The following PSEN1 variants were observed in gnomAD, a reference collection of about 807,000 sequenced individuals.
PSEN1 encodes the protein presenilin 1, also known as presenilin-1.
A neutral mutation model predicts 53.5 loss-of-function variants in PSEN1; 15 were observed. The observed-to-expected ratio is 0.28, with a 90% confidence interval of 0.19 to 0.43. The LOEUF (loss-of-function observed/expected upper bound fraction) is 0.43, where lower values mean the gene tolerates loss of function less well. Ranked by LOEUF, PSEN1 falls within the 20% of genes least tolerant of loss-of-function variation. The pLI is 1.00. For synonymous variants in PSEN1, 208 were observed against 209.8 expected, an observed-to-expected ratio of 0.99 and a Z score of 0.08; for missense variants, 387 against 571.2, an observed-to-expected ratio of 0.68 and a Z score of 3.29.
At chr14:73,188,658 A>G (rs776021459) in intron 6 of PSEN1, among the ~76,000 whole-genome samples, 2 of 152,080 alleles carry the variant, frequency 1.3e-5, no homozygotes, top group Non-Finnish European at 2.9e-5. Context: ...AAATAACTAA[A>G]TCTCTAACAT....
chr14:73,173,464 C>T (rs551390846), intron 4 of PSEN1, 102 bp from the exon 5 acceptor site: 36 of 1,192,100 alleles, frequency 3.0e-5, no homozygotes, highest in South Asian at 2.2e-4. Context: ...TTATAAGATA[C>T]GAATTGAATT....
chr14:73,163,947 C>T (rs1405716276), intron 3 of PSEN1, among the ~76,000 whole-genome samples: 4 of 151,842 alleles, frequency 2.6e-5, no homozygotes, highest in Admixed American at 6.6e-5. Flanking sequence ...AAAAAATCAT[C>T]CTGGCTGTAG....
chr14:73,219,424 A>T lies in PSEN1; in HGVS notation c.*135A>T, dbSNP rs1900060472. 1 of 1,008,288 alleles carries T rather than the reference A, an allele frequency of 9.9e-7. No individual in the cohort carries two copies. The highest frequency in any genetic ancestry group is 1.5e-6 in the Non-Finnish European group (1 of 647,036). 62.5% of individuals were successfully genotyped at this position (1,008,288 alleles called of 1,614,324 possible). On this transcript the variant is annotated 3_prime_UTR_variant, in exon 12 of 12. Transcript: ENST00000324501. ...GCTGGACTTTTGCAGCTTCCTTCCA[A>T]GTCTTCCTGACCACCTTGCACTATT...
At chr14:73,203,890 A>G (rs933828332) in intron 8 of PSEN1, among the ~76,000 whole-genome samples, 2 of 152,254 alleles carry the variant, frequency 1.3e-5, no homozygotes, top group Non-Finnish European at 2.9e-5. Context: ...CCAGCCAGGC[A>G]TGACTATAAT....
intron 3 of PSEN1, among the ~76,000 whole-genome samples, chr14:73,149,487 C>T (rs927201779): frequency 2.0e-5 from 3 of 152,118 alleles, no homozygotes; most frequent in Non-Finnish European, 4.4e-5. Context: ...CACTGAATGG[C>T]GTGGAACTTC....
chr14:73,211,325 A>G (rs936922478), intron 9 of PSEN1, among the ~76,000 whole-genome samples: 6 of 152,150 alleles, frequency 3.9e-5, no homozygotes, highest in Admixed American at 3.3e-4. Context: ...TCATGTCTAG[A>G]TAAGGCAACA....
At chr14:73,182,888 C>T (rs1898265541) in intron 5 of PSEN1, among the ~76,000 whole-genome samples, 1 of 151,418 alleles carries the variant, frequency 6.6e-6, no homozygotes, top group African/African-American at 2.5e-5. Context: ...AGAACATCTC[C>T]TTCTTCCTTT....
In PSEN1 at chr14:73,151,097, G is replaced by A. The variant is rs376560207; in HGVS notation, c.87+2991G>A. ...AAAAAACAAAAAAAAACTTTATGTG[G>A]TTTATGTCTGAAAGTTGAAGAGAAT... is the stretch of plus-strand genomic sequence containing the variant. On this transcript the variant is annotated intron_variant, in intron 3 of 11. Transcript: ENST00000324501. Among the ~76,000 whole-genome samples the A allele has an allele frequency of 2.6e-5, 4 of 152,226 alleles. No homozygotes were observed. The East Asian group carries it at 5.8e-4, about 22-fold the overall frequency.
intron 3 of PSEN1, among the ~76,000 whole-genome samples, chr14:73,151,348 C>G (rs1236106171): frequency 6.6e-6 from 1 of 152,098 alleles, no homozygotes; most frequent in African/African-American, 2.4e-5. Context: ...GTGAGTTTCT[C>G]AAAGATAGTT....
chr14:73,212,289 T>C (rs1899736037), intron 10 of PSEN1, among the ~76,000 whole-genome samples: 1 of 151,674 alleles, frequency 6.6e-6, no homozygotes, highest in Non-Finnish European at 1.5e-5. Context: ...TTTTGTATTT[T>C]TAGTAGAGAT....
rs1900135716 is a variant in PSEN1 at position 73,222,446 on chromosome 14, A to G, written c.*3157A>G. 1 of 152,212 alleles carries G rather than the reference A, an allele frequency of 6.6e-6. No individual in the cohort carries two copies. The highest frequency in any genetic ancestry group is 1.5e-5 in the Non-Finnish European group (1 of 68,040). 9.4% of individuals were successfully genotyped at this position (152,212 alleles called of 1,614,324 possible). ...ATATAACTTGTAGAGTGTGAAATAT[A>G]AGTTTAACTACCAAATAAGGTCTCC... On this transcript the variant is annotated 3_prime_UTR_variant, in exon 12 of 12. Transcript: ENST00000324501.
chr14:73,184,277 C>T (rs1464950156), intron 5 of PSEN1, among the ~76,000 whole-genome samples: 6 of 79,556 alleles, frequency 7.5e-5, no homozygotes, highest in East Asian at 7.7e-4. Context: ...CCCTCCCGGA[C>T]GGGGCGGCTG....
intron 5 of PSEN1, among the ~76,000 whole-genome samples, chr14:73,185,931 G>A (rs770906089): frequency 2.4e-4 from 37 of 152,150 alleles, no homozygotes; most frequent in Non-Finnish European, 2.8e-4. Flanking sequence ...ACCAAGTACT[G>A]CAAAATATGA....
chr14:73,211,799 C>T lies in PSEN1; in HGVS notation c.986C>T (p.Ala329Val), dbSNP rs1334330042. The change falls in exon 10 of 12, where the codon GCA becomes GTA. Residue 329 changes from alanine (A) to valine (V), a missense_variant. Around this residue, in one of 4 missense-constraint regions of PSEN1, gnomAD observed 75 missense variants for 63.7 expected, o/e 1.18. Coordinates refer to ENST00000324501, the MANE Select transcript of PSEN1 (RefSeq NM_000021.4). ...STERESQDTV[A>V]ENDDGGFSEE... ...GAAAGGGAGTCACAAGACACTGTTGCAGAGAATGATGATGGCGGGTTCAGT... is the reference window on the plus strand; with the variant it reads ...GAAAGGGAGTCACAAGACACTGTTGTAGAGAATGATGATGGCGGGTTCAGT... The T allele has an allele frequency of 6.2e-7, 1 of 1,614,066 alleles. No individual in the cohort carries two copies. The highest frequency in any genetic ancestry group is 1.1e-5 in the South Asian group (1 of 91,078).
At chr14:73,157,230 A>T (rs1408474899) in intron 3 of PSEN1, among the ~76,000 whole-genome samples, 1 of 150,260 alleles carries the variant, frequency 6.7e-6, no homozygotes, top group African/African-American at 2.5e-5. Flanking sequence ...GGTTCAAGCG[A>T]TTCTCCTGCC....
intron 9 of PSEN1, among the ~76,000 whole-genome samples, chr14:73,210,412 G>A (rs532242398): frequency 5.5e-4 from 84 of 152,254 alleles, no homozygotes; most frequent in South Asian, 1.9e-3. Flanking sequence ...TTACATTTGC[G>A]TGCACTAAAG....
At chr14:73,183,671 A>C (rs1257115967) in intron 5 of PSEN1, among the ~76,000 whole-genome samples, 2 of 151,894 alleles carry the variant, frequency 1.3e-5, no homozygotes, top group Non-Finnish European at 2.9e-5. Flanking sequence ...GTACAGAACA[A>C]AATGAAAAGT....
chr14:73,158,179 T>G (rs1897417895), intron 3 of PSEN1, among the ~76,000 whole-genome samples: 1 of 152,162 alleles, frequency 6.6e-6, no homozygotes, highest in Non-Finnish European at 1.5e-5. Flanking sequence ...CGGATATTCA[T>G]GTACAGATCT....
intron 3 of PSEN1, among the ~76,000 whole-genome samples, chr14:73,157,149 G>A: frequency 1.3e-5 from 2 of 149,740 alleles, no homozygotes; most frequent in Non-Finnish European, 3.0e-5. Context: ...TTGCGAGGGA[G>A]TTTCACTCTT....
Sources: allele counts gnomAD v4.1 joint callset (sites outside exome capture counted in the v4.1 genomes callset), GRCh38; gene constraint gnomAD v4.1.1; regional missense constraint gnomAD v4.1.1; transcripts MANE v1.5; gene names NCBI Gene and HGNC (gene_info 2026-07-23, HGNC 2026-07-21).